POU6F2: variants seen among roughly 807,000 people sequenced by gnomAD.
POU6F2 encodes the protein POU domain, class 6, transcription factor 2.
POU6F2 carries 31 observed loss-of-function variants against 71.3 expected under a neutral mutation model. The observed-to-expected ratio is 0.43, with a 90% CI of 0.33 to 0.59. The LOEUF (loss-of-function observed/expected upper bound fraction) is 0.59, where lower values mean the gene tolerates loss of function less well. POU6F2 is among the 20% of genes least tolerant of loss of function. The pLI is 0.04. For synonymous variants in POU6F2, 347 were observed against 355.7 expected (o/e 0.98, Z 0.27); for missense variants, 783 against 856.8 (o/e 0.91, Z 1.07).
intron 2 of POU6F2, among the ~76,000 whole-genome samples, chr7:39,141,046 G>A (rs748217372): frequency 2.8e-4 from 43 of 152,080 alleles, no homozygotes; most frequent in Admixed American, 2.6e-4. Context: ...AAGTTATTCC[G>A]AGCACTCCCT....
chr7:39,193,842 T>G (rs1793720952), intron 2 of POU6F2, among the ~76,000 whole-genome samples: 1 of 152,166 alleles, frequency 6.6e-6, no homozygotes, highest in South Asian at 2.1e-4. Flanking sequence ...AGGCAGTGAG[T>G]TAATTTCTGT....
intron 1 of POU6F2, among the ~76,000 whole-genome samples, chr7:38,986,373 T>C (rs1584481034): frequency 6.6e-6 from 1 of 152,220 alleles, no homozygotes; most frequent in Non-Finnish European, 1.5e-5. Flanking sequence ...TTCGAGTACA[T>C]AGTCGATTGG....
chr7:39,425,282 C>T (rs534153984), intron 6 of POU6F2, among the ~76,000 whole-genome samples: 2 of 151,584 alleles, frequency 1.3e-5, no homozygotes, highest in East Asian at 3.9e-4. Context: ...TGTTCAAGAG[C>T]GTGTTTGGGA....
chr7:39,311,516 G>A (rs911604553), intron 4 of POU6F2, among the ~76,000 whole-genome samples: 2 of 152,308 alleles, frequency 1.3e-5, no homozygotes, highest in Admixed American at 1.3e-4. Flanking sequence ...TTTTATCGCT[G>A]ATTTGTCTCA....
intron 1 of POU6F2, among the ~76,000 whole-genome samples, chr7:39,000,424 A>C (rs1170015237): frequency 6.6e-6 from 1 of 152,092 alleles, no homozygotes; most frequent in Non-Finnish European, 1.5e-5. Flanking sequence ...TGTTTATTAC[A>C]CAACAGCCAC....
At chr7:39,269,456 T>C (rs1784306019) in intron 4 of POU6F2, among the ~76,000 whole-genome samples, 1 of 152,238 alleles carries the variant, frequency 6.6e-6, no homozygotes, top group Admixed American at 6.5e-5. Context: ...CCCCACCAGA[T>C]ACAGATGGTC....
At chr7:39,148,197 C>A (rs1203824702) in intron 2 of POU6F2, among the ~76,000 whole-genome samples, 2 of 152,196 alleles carry the variant, frequency 1.3e-5, no homozygotes, top group East Asian at 3.8e-4. Flanking sequence ...TGCCAGTGGG[C>A]ACTTTTCTGT....
At chr7:39,103,798 G>A (rs1038542492) in intron 2 of POU6F2, among the ~76,000 whole-genome samples, 1 of 152,160 alleles carries the variant, frequency 6.6e-6, no homozygotes, top group Non-Finnish European at 1.5e-5. Context: ...GTATGTTCAT[G>A]ACCTCCAGGC....
At position 39,187,593 on chromosome 7, in the gene POU6F2, G is replaced by A. The variant is rs540415751; in HGVS notation, c.278-16642G>A. 5.3e-5 allele frequency among the ~76,000 whole-genome samples: 8 copies of A among 152,352 alleles called. No individual in the cohort carries two copies. In the South Asian group the frequency reaches 1.0e-3, roughly 20 times the overall value. The stretch of plus-strand genomic sequence containing the variant: ...CAGCTACCAGCAACAGTAGCATGCA[G>A]CATTTTGGATTTGAGAGCCGCTACT... On this transcript the variant is annotated intron_variant, in intron 2 of 9. Coordinates refer to ENST00000518318, the MANE Select transcript of POU6F2 (RefSeq NM_001370959.1).
chr7:39,145,555 G>C (rs1792602970), intron 2 of POU6F2, among the ~76,000 whole-genome samples: 1 of 152,176 alleles, frequency 6.6e-6, no homozygotes, highest in Non-Finnish European at 1.5e-5. Context: ...TAATGTAACT[G>C]GAATGACTCT....
intron 1 of POU6F2, among the ~76,000 whole-genome samples, chr7:38,990,954 G>A (rs560344703): frequency 5.3e-5 from 8 of 152,062 alleles, no homozygotes; most frequent in East Asian, 3.9e-4. Flanking sequence ...AGGTTTTCTC[G>A]TCTATTCACA....
At chr7:38,982,725 CTA>C (rs1412948596) in intron 1 of POU6F2, among the ~76,000 whole-genome samples, 2 of 151,998 alleles carry the variant, frequency 1.3e-5, no homozygotes, top group African/African-American at 4.8e-5. Flanking sequence ...ATTTTCTTTT[CTA>C]TCTCTAAGGT....
At chr7:39,308,226 A>C (rs1785083593) in intron 4 of POU6F2, among the ~76,000 whole-genome samples, 1 of 152,182 alleles carries the variant, frequency 6.6e-6, no homozygotes, top group African/African-American at 2.4e-5. Context: ...TATATCCCCA[A>C]CTCAAGTTCC....
At chr7:39,281,575 A>G (rs1215225820) in intron 4 of POU6F2, among the ~76,000 whole-genome samples, 2 of 152,124 alleles carry the variant, frequency 1.3e-5, no homozygotes, top group Middle Eastern at 3.2e-3. Flanking sequence ...GTGTCTGCTT[A>G]TTTTACCTAA....
intron 4 of POU6F2, among the ~76,000 whole-genome samples, chr7:39,216,839 T>C (rs1276148361): frequency 6.6e-6 from 1 of 152,162 alleles, no homozygotes; most frequent in Non-Finnish European, 1.5e-5. Flanking sequence ...TGTTGTTTGC[T>C]CAGTTTCTCA....
chr7:39,337,770 TA>T (rs1247673990), intron 4 of POU6F2, among the ~76,000 whole-genome samples: 2 of 152,192 alleles, frequency 1.3e-5, no homozygotes, highest in African/African-American at 4.8e-5. Flanking sequence ...AATTCTGTAT[TA>T]TTTTTTGCTT....
At chr7:39,206,227 G>C (rs1442889723) in intron 3 of POU6F2, among the ~76,000 whole-genome samples, 6 of 152,274 alleles carry the variant, frequency 3.9e-5, no homozygotes, top group Admixed American at 3.9e-4. Context: ...TGCAATGAAA[G>C]TCCTGAATCA....
At chr7:39,408,014 T>C (rs955217548) in intron 6 of POU6F2, among the ~76,000 whole-genome samples, 1 of 152,210 alleles carries the variant, frequency 6.6e-6, no homozygotes, top group Non-Finnish European at 1.5e-5. Context: ...CCAATCCCTT[T>C]TCATCAAAGG....
intron 3 of POU6F2, among the ~76,000 whole-genome samples, chr7:39,206,764 T>G (rs889492286): frequency 1.8e-4 from 27 of 152,342 alleles, no homozygotes; most frequent in African/African-American, 5.8e-4. Flanking sequence ...TGCAGTTATC[T>G]TATTTCCTTT....
Sources: gnomAD v4.1 joint callset for allele counts (sites outside exome capture counted in the v4.1 genomes callset) on GRCh38, gnomAD v4.1.1 for gene constraint, MANE v1.5 for transcripts, NCBI Gene and HGNC (gene_info 2026-07-23, HGNC 2026-07-21) for gene names.